The following ADGRE5 variants were observed in gnomAD, a reference collection of about 807,000 sequenced individuals.
ADGRE5 encodes the protein CD97 molecule.
ADGRE5 carries 72 observed loss-of-function variants against 100.3 expected under a neutral mutation model. The ratio of observed to expected loss-of-function variants is 0.72; its 90% CI spans 0.59 to 0.87. The LOEUF is 0.87. Among genes scored for constraint, ADGRE5 ranks in the 40% least tolerant of loss-of-function variants. The pLI is 0.00. For missense variants in ADGRE5, 959 were observed against 1,094.7 expected (o/e 0.88, Z 1.75); for synonymous variants, 439 against 447.8 (o/e 0.98, Z 0.25).
At chr19:14,397,334 A>G (rs1975818953) in intron 6 of ADGRE5, 111 bp downstream of exon 6, 2 of 1,547,116 alleles carry the variant, frequency 1.3e-6, no homozygotes, top group South Asian at 2.3e-5. Flanking sequence ...TGGCTGTGCC[A>G]GGCGTTCGTT....
Position 14,397,139 on chromosome 19 carries a change from G to C in ADGRE5, c.541G>C (p.Val181Leu), listed in dbSNP as rs202133027. The stretch of plus-strand genomic sequence containing the variant: ...CAGCTCCACCCACTGCCTCAACAAC[G>C]TGGGCAGCTATCAGTGCCGCTGCCG... ...CHSSTHCLNN[V>L]GSYQCRCRPG... The change falls in exon 6 of 20, where the codon GTG (valine) becomes CTG (leucine). Residue 181 changes from valine (V) to leucine (L), a missense_variant. By Grantham distance (32) the Val-to-Leu change is conservative (BLOSUM62 1). Coordinates refer to ENST00000242786, the MANE Select transcript of ADGRE5 (RefSeq NM_078481.4). 65 of 1,613,962 alleles carry C rather than the reference G, an allele frequency of 4.0e-5. No homozygotes were observed. Among genetic ancestry groups the C allele is most frequent in the Non-Finnish European group, 1.1e-5 (13 of 1,180,040 alleles).
intron 1 of ADGRE5, among the ~76,000 whole-genome samples, chr19:14,386,713 A>G (rs1310338246): frequency 9.6e-5 from 13 of 135,662 alleles, no homozygotes; most frequent in Non-Finnish European, 1.4e-4. Flanking sequence ...AAAAAAAAAA[A>G]AGAGAAATGA....
At position 14,406,777 on chromosome 19, in the gene ADGRE5, A is replaced by C; in HGVS notation, c.2115+11A>C. On this transcript the variant is annotated intron_variant, in intron 16 of 19. Coordinates refer to ENST00000242786, the MANE Select transcript of ADGRE5 (RefSeq NM_078481.4). This position sits in a 1 kb window ranked among gnomAD's most constrained non-coding sequence, Gnocchi z 6.0. Reference sequence around the variant, plus strand: ...ACCTTCATCATTTTGGTAAGTACCCACTCTCCCTCCACCGAAGCCCGAGCG... The same window carrying C: ...ACCTTCATCATTTTGGTAAGTACCCCCTCTCCCTCCACCGAAGCCCGAGCG... The C allele has an allele frequency of 6.2e-7, 1 of 1,612,800 alleles. No homozygotes were observed. The highest frequency in any genetic ancestry group is 8.5e-7 in the Non-Finnish European group (1 of 1,179,572).
chr19:14,402,491 G>T, intron 11 of ADGRE5, 106 bp from the exon 12 acceptor site: 1 of 1,145,188 alleles, frequency 8.7e-7, no homozygotes, highest in Non-Finnish European at 1.3e-6. Context: ...GGCTCCTGGC[G>T]TCATCGTGGT....
chr19:14,389,123 A>G (rs1305007982), intron 3 of ADGRE5, among the ~76,000 whole-genome samples: 1 of 94,082 alleles, frequency 1.1e-5, no homozygotes, highest in Non-Finnish European at 2.1e-5. Context: ...TAGCCTGGGC[A>G]ACAGAATGAG....
At position 14,388,823 on chromosome 19, in the gene ADGRE5, A is replaced by G. The variant is rs1195703621; in HGVS notation, c.190+5A>G. On this transcript the variant is annotated splice_donor_5th_base_variant and intron_variant, in intron 3 of 19. Transcript: ENST00000242786. ...CCCCGACGGAGACTTGTGACGGTAC[A>G]GAGGCTTGAGGGCAGCGCAGGGGAC... 3.7e-6 allele frequency: 6 copies of G among 1,612,160 alleles called. No homozygotes were observed. The highest frequency in any genetic ancestry group is 5.1e-6 in the Non-Finnish European group (6 of 1,178,674).
intron 4 of ADGRE5, among the ~76,000 whole-genome samples, chr19:14,394,281 C>G (rs1975699160): frequency 6.6e-6 from 1 of 152,112 alleles, no homozygotes. Flanking sequence ...GTGAGACGCT[C>G]AGAGGGGCCT....
In ADGRE5 at chr19:14,402,637, G is replaced by A. The variant is rs140685428; in HGVS notation, c.1224G>A (p.Thr408=). Reference sequence around the variant, plus strand: ...GCATCCTCTCCATCCAGAACATGACGACATTGCTGGCCAATGCCTCCTTGA... The same window carrying A: ...GCATCCTCTCCATCCAGAACATGACAACATTGCTGGCCAATGCCTCCTTGA... ...VAGILSIQNM[T]TLLANASLNL... Residue 408 remains threonine, a synonymous_variant, in exon 12 of 20, where the codon ACG becomes ACA. Transcript: ENST00000242786. 30 of 1,613,912 alleles carry A rather than the reference G, an allele frequency of 1.9e-5. No homozygotes were observed. The South Asian group carries it at 2.4e-4, about 13-fold the overall frequency.
At chr19:14,405,424 A>T (rs768489868) in intron 13 of ADGRE5, 26 of 293,808 alleles carry the variant, frequency 8.8e-5, no homozygotes, top group Non-Finnish European at 1.4e-4. Flanking sequence ...GATTAGAGGC[A>T]TGAGCCACCA....
rs1014700264 is a variant in ADGRE5, at chr19:14,398,309, C to T, written c.897+170C>T. The T allele has an allele frequency of 4.7e-6, 3 of 632,104 alleles. No individual in the cohort carries two copies. The African/African-American group carries it at 5.5e-5, about 12-fold the overall frequency. The allele number at this position is 632,104 out of a possible 1,614,324, so 39.2% of individuals were successfully genotyped here. ...ATGTGCACAAACATACACACCCGGACACGTGAAGACACACGCATGCACACA... is the reference window on the plus strand; with the variant it reads ...ATGTGCACAAACATACACACCCGGATACGTGAAGACACACGCATGCACACA... On this transcript the variant is annotated intron_variant, in intron 9 of 19. Coordinates refer to ENST00000242786, the MANE Select transcript of ADGRE5 (RefSeq NM_078481.4).
intron 3 of ADGRE5, among the ~76,000 whole-genome samples, chr19:14,390,076 CA>C (rs899776776): frequency 6.7e-5 from 6 of 89,472 alleles, no homozygotes; most frequent in African/African-American, 1.7e-4. Context: ...AACTCTGTCT[CA>C]AAAAAAAAGA....
At position 14,405,825 on chromosome 19, in the gene ADGRE5, C is replaced by T; in HGVS notation, c.1707C>T (p.Phe569=). The T allele has an allele frequency of 6.2e-7, 1 of 1,613,786 alleles. No homozygotes were observed. Among genetic ancestry groups the T allele is most frequent in the Non-Finnish European group, 8.5e-7 (1 of 1,180,006 alleles). Residue 569 remains phenylalanine, a synonymous_variant, in exon 14 of 20, where the codon TTC becomes TTT. Transcript: ENST00000242786. ...LFCLLLCILT[F]LLVRPIQGSR... is the part of the protein sequence containing the mutation. Reference sequence around the variant, plus strand: ...GCCTGCTGCTGTGCATCCTCACTTTCCTGCTGGTGCGGCCCATCCAGGGCT... The same window carrying T: ...GCCTGCTGCTGTGCATCCTCACTTTTCTGCTGGTGCGGCCCATCCAGGGCT...
chr19:14,404,542 A>G lies in ADGRE5; in HGVS notation c.1609A>G (p.Met537Val). The G allele has an allele frequency of 1.2e-6, 2 of 1,613,120 alleles. No individual in the cohort carries two copies. Among genetic ancestry groups the G allele is most frequent in the Non-Finnish European group, 1.7e-6 (2 of 1,179,662 alleles). The change falls in exon 13 of 20, where the codon ATG (methionine) becomes GTG (valine). Residue 537 changes from methionine to valine, a missense_variant. Transcript: ENST00000242786. ...CSHLSSFAIL[M>V]AHYDVEDWKL... ...CCACCTGAGCAGCTTTGCGATCCTT[A>G]TGGCTCATTATGACGTGGAGGTAAG...
chr19:14,393,849 T>C (rs59179632), intron 4 of ADGRE5, among the ~76,000 whole-genome samples: 19,302 of 152,134 alleles, frequency 0.13, 1,382 homozygotes, highest in African/African-American at 0.2. Context: ...GCATGTGACT[T>C]GGCCAGAGGA....
intron 9 of ADGRE5, among the ~76,000 whole-genome samples, chr19:14,400,743 G>T (rs1039468386): frequency 6.6e-6 from 1 of 152,090 alleles, no homozygotes; most frequent in Non-Finnish European, 1.5e-5. Flanking sequence ...AGTGAGCCAA[G>T]ATCGCGCCAC....
chr19:14,401,481 C>G lies in ADGRE5; in HGVS notation c.993C>G (p.Leu331=), dbSNP rs1219668507. 44 of 1,614,072 alleles carry G rather than the reference C, an allele frequency of 2.7e-5. No homozygotes were observed. Among genetic ancestry groups the G allele is most frequent in the Admixed American group, 3.3e-5 (2 of 60,002 alleles). The change falls in exon 10 of 20, where the codon CTC becomes CTG. Residue 331 remains leucine, a synonymous_variant. Transcript: ENST00000242786. The surrounding 1 kb of genome is among the most constrained non-coding windows in gnomAD (Gnocchi z 4.1). ...PVRHLIATQL[L]SNLEDIMRIL... ...GGCACCTCATAGCCACCCAGCTGCT[C>G]TCAAACCTTGAAGATATCATGAGGA...
intron 1 of ADGRE5, among the ~76,000 whole-genome samples, chr19:14,386,689 G>T (rs1321699951): frequency 2.0e-5 from 2 of 98,578 alleles, no homozygotes; most frequent in African/African-American, 4.4e-5. Flanking sequence ...GCAAGACTCC[G>T]TCTCAAAAAA....
intron 1 of ADGRE5, among the ~76,000 whole-genome samples, chr19:14,382,757 T>C (rs997828261): frequency 6.6e-6 from 1 of 151,438 alleles, no homozygotes; most frequent in African/African-American, 2.4e-5. Context: ...TCGCTCAGGC[T>C]GGAGTGCAAT....
chr19:14,408,107 GAGT>G lies in ADGRE5; in HGVS notation c.2495_2497del (p.Glu832_Ser833delinsAla), dbSNP rs1161755076. On this transcript the variant is annotated inframe_deletion, in exon 20 of 20. Transcript: ENST00000242786. Reference sequence around the variant, plus strand: ...TCCTCTCCAGGCCCTCAGGGCATCAGAGTCCGGCATATGAAGGCGCATGGTTCT... The same window carrying G: ...TCCTCTCCAGGCCCTCAGGGCATCAGCCGGCATATGAAGGCGCATGGTTCT... 1.2e-6 allele frequency: 2 copies of G among 1,613,480 alleles called. No individual in the cohort carries two copies. Among genetic ancestry groups the G allele is most frequent in the Non-Finnish European group, 1.7e-6 (2 of 1,180,004 alleles).
Sources: gnomAD v4.1 joint callset for allele counts (sites outside exome capture counted in the v4.1 genomes callset) on GRCh38, gnomAD v4.1.1 for gene constraint, Gnocchi (gnomAD v3.1) non-coding constraint, MANE v1.5 for transcripts, NCBI Gene and HGNC (gene_info 2026-07-23, HGNC 2026-07-21) for gene names.